Variants in AUH observed in about 807,000 individuals in gnomAD.
AUH encodes the protein AU RNA binding methylglutaconyl-CoA hydratase, also known as methylglutaconyl-CoA hydratase, mitochondrial.
A neutral mutation model predicts 42.3 loss-of-function variants in AUH; 29 were observed. That is an observed-to-expected ratio of 0.69 (90% CI 0.51 to 0.93). AUH has a LOEUF of 0.93. AUH is among the 40% of genes least tolerant of loss of function. The pLI is 0.00. For missense variants in AUH, 452 were observed against 438.1 expected, an observed-to-expected ratio of 1.03 and a Z score of -0.28; for synonymous variants, 174 against 166.4, an observed-to-expected ratio of 1.05 and a Z score of -0.35.
At chr9:91,223,718 C>T (rs1474983369) in intron 6 of AUH, among the ~76,000 whole-genome samples, 1 of 152,126 alleles carries the variant, frequency 6.6e-6, no homozygotes, top group African/African-American at 2.4e-5. Flanking sequence ...TCTCTACACC[C>T]TCACCAACAC....
At chr9:91,244,703 G>A (rs957472359) in intron 6 of AUH, among the ~76,000 whole-genome samples, 1 of 152,170 alleles carries the variant, frequency 6.6e-6, no homozygotes, top group African/African-American at 2.4e-5. Flanking sequence ...TCCAGAGGGG[G>A]CAATCCCTGT....
At chr9:91,230,903 C>G (rs1827834921) in intron 6 of AUH, among the ~76,000 whole-genome samples, 2 of 152,226 alleles carry the variant, frequency 1.3e-5, no homozygotes, top group African/African-American at 2.4e-5. Flanking sequence ...AGGAGGCAGT[C>G]TGCCCGTTCT....
chr9:91,296,583 T>G (rs1291033780), intron 5 of AUH, among the ~76,000 whole-genome samples: 1 of 152,244 alleles, frequency 6.6e-6, no homozygotes, highest in African/African-American at 2.4e-5. Flanking sequence ...CCTCTTTTCA[T>G]GTCTGTTTTC....
chr9:91,283,379 G>A (rs1826133048), intron 6 of AUH, among the ~76,000 whole-genome samples: 1 of 152,126 alleles, frequency 6.6e-6, no homozygotes, highest in South Asian at 2.1e-4. Flanking sequence ...AAAACTGGAA[G>A]CATTCCCTTT....
chr9:91,282,457 G>A (rs899525966), intron 6 of AUH, among the ~76,000 whole-genome samples: 18 of 151,948 alleles, frequency 1.2e-4, no homozygotes, highest in African/African-American at 4.1e-4. Flanking sequence ...GCTTGTTCAC[G>A]GCTGTATCCC....
Position 91,213,973 on chromosome 9 carries a change from G to A in AUH, c.*375C>T. The stretch of plus-strand genomic sequence containing the variant: ...TATAACTTCACATTTTTGGTATATA[G>A]AAATTTTATTTTCTTAATGCAGCAC... On this transcript the variant is annotated 3_prime_UTR_variant, in exon 10 of 10. Coordinates refer to ENST00000375731, the MANE Select transcript of AUH (RefSeq NM_001698.3). The A allele has an allele frequency of 5.7e-6, 1 of 175,618 alleles. No homozygotes were observed. The highest frequency in any genetic ancestry group is 1.3e-4 in the South Asian group (1 of 7,444). The allele number at this position is 175,618 out of a possible 1,614,324, so 10.9% of individuals were successfully genotyped here.
chr9:91,298,394 T>G (rs952621376), intron 4 of AUH, among the ~76,000 whole-genome samples: 1 of 152,226 alleles, frequency 6.6e-6, no homozygotes, highest in Non-Finnish European at 1.5e-5. Flanking sequence ...GAGCCAGAAG[T>G]CTTTCACAAG....
intron 6 of AUH, among the ~76,000 whole-genome samples, chr9:91,263,360 GA>G: frequency 6.6e-6 from 1 of 152,146 alleles, no homozygotes; most frequent in Non-Finnish European, 1.5e-5. Flanking sequence ...ATGTTTTCAG[GA>G]AAAAGTGTTA....
intron 3 of AUH, among the ~76,000 whole-genome samples, chr9:91,346,286 G>A (rs376818362): frequency 2.9e-4 from 44 of 152,256 alleles, no homozygotes; most frequent in Middle Eastern, 6.8e-3. Context: ...ATTGAGCTCA[G>A]TCGCCAATGG....
chr9:91,231,194 T>C (rs868103703), intron 6 of AUH, among the ~76,000 whole-genome samples: 10 of 152,138 alleles, frequency 6.6e-5, no homozygotes, highest in African/African-American at 2.4e-4. Flanking sequence ...GTGCTAGCAA[T>C]CAGCGAGACT....
chr9:91,344,321 CT>C (rs1177260706), intron 3 of AUH, among the ~76,000 whole-genome samples: 2 of 152,178 alleles, frequency 1.3e-5, no homozygotes, highest in South Asian at 2.1e-4. Context: ...GGAAGGCCCC[CT>C]ATCCCTCACT....
chr9:91,282,461 G>GT (rs1355142333), intron 6 of AUH, among the ~76,000 whole-genome samples: 1 of 152,014 alleles, frequency 6.6e-6, no homozygotes, highest in Non-Finnish European at 1.5e-5. Flanking sequence ...GTTCACGGCT[G>GT]TATCCCCAGT....
At chr9:91,347,474 G>A (rs538091028) in intron 3 of AUH, among the ~76,000 whole-genome samples, 4 of 152,246 alleles carry the variant, frequency 2.6e-5, no homozygotes, top group South Asian at 4.1e-4. Flanking sequence ...TTTCCCCTCT[G>A]GGGGGAGAGG....
intron 3 of AUH, among the ~76,000 whole-genome samples, chr9:91,345,725 C>A (rs988890615): frequency 1.3e-5 from 2 of 149,218 alleles, no homozygotes; most frequent in African/African-American, 4.9e-5. Context: ...CCCAGCTACT[C>A]GGGAGGCTGA....
At chr9:91,342,646 C>T (rs919793605) in intron 3 of AUH, 2 of 152,100 alleles carry the variant, frequency 1.3e-5, no homozygotes, top group African/African-American at 4.8e-5. Flanking sequence ...AAATATTATA[C>T]AGGTAGGCTT....
At chr9:91,325,849 T>C (rs1329044073) in intron 3 of AUH, among the ~76,000 whole-genome samples, 2 of 152,196 alleles carry the variant, frequency 1.3e-5, no homozygotes, top group Non-Finnish European at 2.9e-5. Flanking sequence ...ACCACTGCTT[T>C]TGCAGTGTAT....
chr9:91,244,908 C>A (rs1828712405), intron 6 of AUH, among the ~76,000 whole-genome samples: 1 of 152,222 alleles, frequency 6.6e-6, no homozygotes, highest in South Asian at 2.1e-4. Flanking sequence ...GTAAGCCATA[C>A]TGTCAGTATT....
chr9:91,241,509 G>A (rs1361669753), intron 6 of AUH, among the ~76,000 whole-genome samples: 1 of 151,940 alleles, frequency 6.6e-6, no homozygotes, highest in Non-Finnish European at 1.5e-5. Context: ...TTTGTGTTAG[G>A]TTTTCCTTTA....
intron 4 of AUH, among the ~76,000 whole-genome samples, chr9:91,299,785 C>T (rs1827641771): frequency 6.6e-6 from 1 of 152,174 alleles, no homozygotes; most frequent in Non-Finnish European, 1.5e-5. Context: ...GTTACCGACT[C>T]TCAACTCCTC....
Sources: gnomAD v4.1 joint callset for allele counts (sites outside exome capture counted in the v4.1 genomes callset) on GRCh38, gnomAD v4.1.1 for gene constraint, MANE v1.5 for transcripts, NCBI Gene and HGNC (gene_info 2026-07-23, HGNC 2026-07-21) for gene names.